The following YTHDF3 variants were observed in gnomAD, a reference collection of about 807,000 sequenced individuals.
YTHDF3 encodes the protein YTH N6-methyladenosine RNA binding protein F3.
In YTHDF3, 9 loss-of-function variants were observed where a neutral mutation model predicts 52.5. The ratio of observed to expected loss-of-function variants is 0.17; its 90% CI spans 0.10 to 0.30. The LOEUF (loss-of-function observed/expected upper bound fraction) is 0.30. YTHDF3 is among the 10% of genes least tolerant of loss of function. YTHDF3 has a pLI of 1.00. For synonymous variants in YTHDF3, 274 were observed against 243.3 expected (o/e 1.13, Z -1.18); for missense variants, 534 against 715.0 (o/e 0.75, Z 2.89).
intron 4 of YTHDF3, among the ~76,000 whole-genome samples, chr8:63,207,900 C>A (rs1180052931): frequency 6.6e-6 from 1 of 152,160 alleles, no homozygotes; most frequent in African/African-American, 2.4e-5. Flanking sequence ...TTCCAAATTT[C>A]TCATCCAAAG....
chr8:63,191,888 G>T (rs1430896825), intron 4 of YTHDF3, among the ~76,000 whole-genome samples: 5 of 152,088 alleles, frequency 3.3e-5, no homozygotes, highest in African/African-American at 1.2e-4. Context: ...TGACCATTGT[G>T]TCTATTCCAT....
chr8:63,173,716 C>G, intron 2 of YTHDF3: 2 of 983,968 alleles, frequency 2.0e-6, no homozygotes, highest in Non-Finnish European at 2.4e-6. Flanking sequence ...AATGAATAAC[C>G]CAGCCTTATA....
chr8:63,203,064 A>T (rs1387014526), intron 4 of YTHDF3, among the ~76,000 whole-genome samples: 1 of 152,072 alleles, frequency 6.6e-6, no homozygotes, highest in South Asian at 2.1e-4. Context: ...CATCATGGTG[A>T]AAACCCATCT....
At chr8:63,177,669 A>G (rs992174632) in intron 3 of YTHDF3, among the ~76,000 whole-genome samples, 5 of 152,124 alleles carry the variant, frequency 3.3e-5, no homozygotes, top group African/African-American at 1.2e-4. Context: ...TTTTTTTGCT[A>G]CTTGATTTCA....
Position 63,209,849 on chromosome 8 carries a change from G to C in YTHDF3, c.*143G>C, listed in dbSNP as rs193220472. The C allele has an allele frequency of 1.5e-5, 12 of 808,294 alleles. No individual in the cohort carries two copies. The highest frequency in any genetic ancestry group is 2.3e-5 in the Non-Finnish European group (12 of 530,294). The allele number at this position is 808,294 out of a possible 1,614,324, so 50.1% of individuals were successfully genotyped here. On this transcript the variant is annotated 3_prime_UTR_variant, in exon 5 of 5. Transcript: ENST00000539294. ...CTTTAACACAAAGTTGACTCTTCTCGTAATGGTTTTCATCAGCGCATCTGC... is the reference window on the plus strand; with the variant it reads ...CTTTAACACAAAGTTGACTCTTCTCCTAATGGTTTTCATCAGCGCATCTGC...
At chr8:63,199,412 T>C (rs1809455748) in intron 4 of YTHDF3, among the ~76,000 whole-genome samples, 1 of 152,206 alleles carries the variant, frequency 6.6e-6, no homozygotes. Flanking sequence ...TTTTTATCTC[T>C]TTCGTTGAAA....
At chr8:63,196,091 C>G (rs774495452) in intron 4 of YTHDF3, among the ~76,000 whole-genome samples, 2 of 151,914 alleles carry the variant, frequency 1.3e-5, no homozygotes, top group Non-Finnish European at 2.9e-5. Context: ...CCACACCTGG[C>G]CTTTAGAAAA....
At chr8:63,201,222 C>T (rs561795251) in intron 4 of YTHDF3, among the ~76,000 whole-genome samples, 1 of 152,112 alleles carries the variant, frequency 6.6e-6, no homozygotes, top group African/African-American at 2.4e-5. Flanking sequence ...TAAGCCATTG[C>T]ATGTGTTTAT....
At chr8:63,180,784 C>G (rs896499086) in intron 3 of YTHDF3, among the ~76,000 whole-genome samples, 1 of 152,178 alleles carries the variant, frequency 6.6e-6, no homozygotes, top group African/African-American at 2.4e-5. Context: ...CCAGCCCGGC[C>G]AACACAGCGA....
rs1005592396 is a variant in YTHDF3, at chr8:63,212,638, A to G, written c.*2932A>G. The G allele has an allele frequency of 2.0e-5, 3 of 152,622 alleles. No homozygotes were observed. The highest frequency in any genetic ancestry group is 7.2e-5 in the African/African-American group (3 of 41,456). 9.5% of individuals were successfully genotyped at this position (152,622 alleles called of 1,614,324 possible). A position where few individuals can be genotyped will look rare whatever the true frequency, so the allele number is the denominator to read the frequency against. ...AGTTCATTTACATTCACTTGTAGCA[A>G]TTACATGAGAATTTGAATTTTGTCG... is the stretch of plus-strand genomic sequence containing the variant. On this transcript the variant is annotated 3_prime_UTR_variant, in exon 5 of 5. Coordinates refer to ENST00000539294, the MANE Select transcript of YTHDF3 (RefSeq NM_152758.6).
At chr8:63,198,381 C>T (rs1386905622) in intron 4 of YTHDF3, among the ~76,000 whole-genome samples, 1 of 152,154 alleles carries the variant, frequency 6.6e-6, no homozygotes, top group Non-Finnish European at 1.5e-5. Flanking sequence ...ATTCTCATGC[C>T]TCAGCCTCCC....
At position 63,186,445 on chromosome 8, in the gene YTHDF3, C is replaced by T; in HGVS notation, c.434C>T (p.Ser145Leu). The T allele has an allele frequency of 6.2e-7, 1 of 1,614,044 alleles. No individual in the cohort carries two copies. Among genetic ancestry groups the T allele is most frequent in the Non-Finnish European group, 8.5e-7 (1 of 1,179,902 alleles). ...GGGACAAGTGGATCTCAGGGACAAT[C>T]AACACAAAGTTCTGCTTATAGTAGC... ...TWGTSGSQGQ[S>L]TQSSAYSSSY... The change falls in exon 4 of 5, where the codon TCA (serine) becomes TTA (leucine). Residue 145 changes from serine to leucine, a missense_variant. Ser to Leu is a moderately radical substitution (Grantham distance 145). Around this residue, in one of 3 missense-constraint regions of YTHDF3, gnomAD observed 196 missense variants for 299.5 expected, o/e 0.65. Coordinates refer to ENST00000539294, the MANE Select transcript of YTHDF3 (RefSeq NM_152758.6).
chr8:63,181,713 G>A (rs1372690926), intron 3 of YTHDF3, among the ~76,000 whole-genome samples: 3 of 152,118 alleles, frequency 2.0e-5, no homozygotes, highest in African/African-American at 7.2e-5. Context: ...TCTTCCTCAC[G>A]ATACCTGTGA....
rs1027801921 is a variant in YTHDF3 at position 63,210,512 on chromosome 8, T to C, written c.*806T>C. ...CAGTCTAATCAGACTTTTTATGACC[T>C]TTATAACTACATTTAAAACCCTTAA... On this transcript the variant is annotated 3_prime_UTR_variant, in exon 5 of 5. Coordinates refer to ENST00000539294, the MANE Select transcript of YTHDF3 (RefSeq NM_152758.6). The C allele has an allele frequency of 4.2e-4, 64 of 152,632 alleles. No homozygotes were observed. The highest frequency in any genetic ancestry group is 1.5e-3 in the African/African-American group (61 of 41,464). 9.5% of individuals were successfully genotyped at this position (152,632 alleles called of 1,614,324 possible).
At chr8:63,189,558 G>T (rs891458611) in intron 4 of YTHDF3, among the ~76,000 whole-genome samples, 1 of 152,204 alleles carries the variant, frequency 6.6e-6, no homozygotes, top group Non-Finnish European at 1.5e-5. Context: ...GATTGTTTCT[G>T]TGTGTGAAGC....
chr8:63,173,128 A>G (rs912167590), intron 2 of YTHDF3, among the ~76,000 whole-genome samples: 3 of 150,470 alleles, frequency 2.0e-5, no homozygotes, highest in African/African-American at 7.4e-5. Context: ...ATAATAGTAT[A>G]TGGGTTGTTC....
intron 3 of YTHDF3, among the ~76,000 whole-genome samples, chr8:63,181,686 A>G (rs184180923): frequency 2.4e-4 from 36 of 152,320 alleles, no homozygotes; most frequent in African/African-American, 8.2e-4. Context: ...TAGCTATCAC[A>G]TTATAGGGTA....
At chr8:63,209,160 G>A (rs780200590) in intron 4 of YTHDF3, among the ~76,000 whole-genome samples, 2 of 152,114 alleles carry the variant, frequency 1.3e-5, no homozygotes, top group Non-Finnish European at 2.9e-5. Context: ...GAGCCACTGC[G>A]CCCGGCCTCA....
intron 3 of YTHDF3, among the ~76,000 whole-genome samples, chr8:63,185,327 A>G (rs1240310116): frequency 6.6e-6 from 1 of 151,958 alleles, no homozygotes; most frequent in Non-Finnish European, 1.5e-5. Flanking sequence ...GCAGTTCACT[A>G]AATGATAAGT....
Sources: allele counts gnomAD v4.1 joint callset (sites outside exome capture counted in the v4.1 genomes callset), GRCh38; gene constraint gnomAD v4.1.1; regional missense constraint gnomAD v4.1.1; transcripts MANE v1.5; gene names NCBI Gene and HGNC (gene_info 2026-07-23, HGNC 2026-07-21).